Variants in PARM1 observed in about 807,000 individuals in gnomAD.
PARM1 encodes the protein WSC4, cell wall integrity and stress response component 4 homolog.
In PARM1, 14 loss-of-function variants were observed where a neutral mutation model predicts 24.6. That is an observed-to-expected ratio of 0.57 (90% CI 0.38 to 0.89). PARM1 has a LOEUF of 0.89. Among genes scored for constraint, PARM1 ranks in the 40% least tolerant of loss-of-function variants. The pLI, the probability that PARM1 is intolerant of heterozygous loss-of-function variation, is 0.00. For missense variants in PARM1, 362 were observed against 380.4 expected, an observed-to-expected ratio of 0.95 and a Z score of 0.40; for synonymous variants, 179 against 156.6, an observed-to-expected ratio of 1.14 and a Z score of -1.07.
chr4:75,008,900 T>C (rs1306441001), intron 1 of PARM1, among the ~76,000 whole-genome samples: 4 of 151,000 alleles, frequency 2.6e-5, no homozygotes, highest in Non-Finnish European at 5.9e-5. Flanking sequence ...TATTACATGA[T>C]GCTATGAATG....
At chr4:74,957,513 T>C (rs1400713102) in intron 1 of PARM1, among the ~76,000 whole-genome samples, 2 of 152,346 alleles carry the variant, frequency 1.3e-5, no homozygotes, top group African/African-American at 2.4e-5. Context: ...TGTTGTTTGA[T>C]TTATTTGTTT....
At chr4:75,017,116 G>A (rs959688462) in intron 2 of PARM1, among the ~76,000 whole-genome samples, 4 of 152,012 alleles carry the variant, frequency 2.6e-5, no homozygotes, top group Middle Eastern at 3.4e-3. Context: ...TGGGCTGATC[G>A]CCTCCCGTCC....
At chr4:74,965,647 C>T (rs1316080877) in intron 1 of PARM1, among the ~76,000 whole-genome samples, 1 of 151,354 alleles carries the variant, frequency 6.6e-6, no homozygotes, top group Non-Finnish European at 1.5e-5. Context: ...ATCAAAAAGT[C>T]ATCTCAAAAA....
chr4:74,949,837 T>C (rs1721489975), intron 1 of PARM1, among the ~76,000 whole-genome samples: 1 of 137,272 alleles, frequency 7.3e-6, no homozygotes, highest in Admixed American at 7.0e-5. Flanking sequence ...CTCTTACTCT[T>C]TTTTTTTTTT....
chr4:75,012,458 C>A lies in PARM1; in HGVS notation c.77C>A (p.Pro26His). 1 of 1,613,970 alleles carries A rather than the reference C, an allele frequency of 6.2e-7. No homozygotes were observed. Among genetic ancestry groups the A allele is most frequent in the Non-Finnish European group, 8.5e-7 (1 of 1,179,894 alleles). Residue 26 changes from proline to histidine, a missense_variant, in exon 2 of 4, where the codon CCT becomes CAT. Physicochemically the swap from Pro to His is moderately conservative, Grantham distance 77. Coordinates refer to ENST00000307428, the MANE Select transcript of PARM1 (RefSeq NM_015393.4). ...GTACAGAGTCTGCCTACATCAGCTC[C>A]TTTGTCTGTTTCTCTTCCGACAAAC... ...WRVQSLPTSA[P>H]LSVSLPTNIV...
intron 2 of PARM1, among the ~76,000 whole-genome samples, chr4:75,015,721 G>A (rs1722972619): frequency 6.6e-6 from 1 of 152,192 alleles, no homozygotes. Flanking sequence ...TGAAGAAACT[G>A]TGTCCCAGAA....
intron 3 of PARM1, among the ~76,000 whole-genome samples, chr4:75,035,719 G>C (rs1267140276): frequency 6.6e-6 from 1 of 152,094 alleles, no homozygotes; most frequent in South Asian, 2.1e-4. Context: ...AGAGTGCCTT[G>C]TAATATCACC....
At chr4:74,933,477 C>A in intron 1 of PARM1, 107 bp downstream of exon 1, 1 of 963,650 alleles carries the variant, frequency 1.0e-6, no homozygotes, top group South Asian at 1.4e-5. Context: ...CGCCGCGCGC[C>A]TCCGGGTGAG....
chr4:74,973,030 C>T (rs540388417), intron 1 of PARM1, among the ~76,000 whole-genome samples: 1 of 152,246 alleles, frequency 6.6e-6, no homozygotes, highest in African/African-American at 2.4e-5. Flanking sequence ...ATGAGTCAAT[C>T]ACACCTCACA....
chr4:75,028,335 C>G (rs1232810852), intron 2 of PARM1, among the ~76,000 whole-genome samples: 1 of 152,170 alleles, frequency 6.6e-6, no homozygotes, highest in Non-Finnish European at 1.5e-5. Flanking sequence ...TCGCCCACTT[C>G]CCTCCTCCAG....
intron 2 of PARM1, among the ~76,000 whole-genome samples, chr4:75,015,399 G>T (rs558323300): frequency 1.3e-5 from 2 of 152,176 alleles, no homozygotes; most frequent in Non-Finnish European, 2.9e-5. Context: ...ATGACAGAAT[G>T]CTTAAATGAC....
intron 1 of PARM1, chr4:74,956,405 A>G (rs993864044): frequency 2.6e-5 from 4 of 152,232 alleles, no homozygotes; most frequent in Non-Finnish European, 5.9e-5. Flanking sequence ...AATAAATGCC[A>G]TAGTAAGATA....
rs762881806 is a variant in PARM1, at chr4:74,982,400, A to T, written c.44-30025A>T. Among the ~76,000 whole-genome samples, 28 of 152,330 alleles carry T rather than the reference A, an allele frequency of 1.8e-4. No individual in the cohort carries two copies. In the Middle Eastern group the frequency reaches 0.01, roughly 56 times the overall value. ...TATGTGCAGCAAATCACCATGGCACATGTTTACTTATGTAACAAACCTGTA... is the reference window on the plus strand; with the variant it reads ...TATGTGCAGCAAATCACCATGGCACTTGTTTACTTATGTAACAAACCTGTA... On this transcript the variant is annotated intron_variant, in intron 1 of 3. Transcript: ENST00000307428.
chr4:74,991,950 A>G lies in PARM1; in HGVS notation c.44-20475A>G, dbSNP rs1017524896. ...ACTGGCTATAAATCAAGATTCCCAG[A>G]CCTGCTCCTTGTGTTCAATTAATTT... On this transcript the variant is annotated intron_variant, in intron 1 of 3. Transcript: ENST00000307428. Among the ~76,000 whole-genome samples the G allele has an allele frequency of 3.7e-4, 57 of 152,300 alleles. No individual in the cohort carries two copies. In the Middle Eastern group the frequency reaches 0.01, roughly 27 times the overall value.
rs148677285 is a variant in PARM1, at chr4:74,983,092, G to A, written c.44-29333G>A. Among the ~76,000 whole-genome samples the A allele has an allele frequency of 1.7e-3, 254 of 152,228 alleles. 1 individual carries two copies. The highest frequency in any genetic ancestry group is 6.0e-3 in the African/African-American group (248 of 41,512). ...CTCAGAGTCTTATACTAAGTTAGAG[G>A]GAAAATTAGAGGAACTGATTACAAT... On this transcript the variant is annotated intron_variant, in intron 1 of 3. Transcript: ENST00000307428.
intron 1 of PARM1, among the ~76,000 whole-genome samples, chr4:74,935,001 T>TG (rs1434251438): frequency 6.7e-6 from 1 of 148,318 alleles, no homozygotes; most frequent in African/African-American, 2.5e-5. Context: ...TTTTTCTTTT[T>TG]TTTTTTTTTC....
At chr4:74,964,553 G>GCACACACACACACACACA (rs35380033) in intron 1 of PARM1, among the ~76,000 whole-genome samples, 411 of 143,370 alleles carry the variant, frequency 2.9e-3, no homozygotes, top group African/African-American at 0.011. Flanking sequence ...ACCTGGCAAA[G>GCACACACACACACACACA]CACACACACA....
intron 1 of PARM1, among the ~76,000 whole-genome samples, chr4:74,982,298 CG>C (rs932847363): frequency 7.2e-5 from 11 of 151,870 alleles, no homozygotes; most frequent in Admixed American, 3.3e-4. Context: ...CTGTCAGGGT[CG>C]GGGGTGAAAG....
chr4:74,982,538 C>A (rs1160594980), intron 1 of PARM1, among the ~76,000 whole-genome samples: 2 of 152,046 alleles, frequency 1.3e-5, no homozygotes, highest in Non-Finnish European at 2.9e-5. Context: ...AAGCAACAAA[C>A]TTTTTTAGTA....
Sources: gnomAD v4.1 joint callset for allele counts (sites outside exome capture counted in the v4.1 genomes callset) on GRCh38, gnomAD v4.1.1 for gene constraint, MANE v1.5 for transcripts, NCBI Gene and HGNC (gene_info 2026-07-23, HGNC 2026-07-21) for gene names.